PPM1H: variants seen among roughly 807,000 people sequenced by gnomAD.
PPM1H encodes the protein protein phosphatase 1H.
PPM1H carries 27 observed loss-of-function variants against 54.9 expected under a neutral mutation model. That is an observed-to-expected ratio of 0.49 (90% CI 0.36 to 0.68). The LOEUF (loss-of-function observed/expected upper bound fraction) is 0.68, where lower values mean the gene tolerates loss of function less well. PPM1H is among the 30% of genes least tolerant of loss of function. The pLI is 0.00. For synonymous variants in PPM1H, 305 were observed against 270.8 expected (o/e 1.13, Z -1.24); for missense variants, 596 against 667.8 (o/e 0.89, Z 1.19).
chr12:62,777,399 C>T (rs1259463614), intron 4 of PPM1H, among the ~76,000 whole-genome samples: 3 of 152,288 alleles, frequency 2.0e-5, no homozygotes, highest in South Asian at 2.1e-4. Context: ...GCCTACTTCA[C>T]GGTAGCTTCC....
At chr12:62,853,955 C>T (rs977525844) in intron 1 of PPM1H, among the ~76,000 whole-genome samples, 2 of 152,086 alleles carry the variant, frequency 1.3e-5, no homozygotes, top group African/African-American at 4.8e-5. Flanking sequence ...ACAGAGATGG[C>T]CAAGCTGCAC....
chr12:62,793,184 G>T (rs1388496469), intron 3 of PPM1H, among the ~76,000 whole-genome samples: 1 of 152,060 alleles, frequency 6.6e-6, no homozygotes, highest in African/African-American at 2.4e-5. Context: ...TTCAAGTATG[G>T]TCTAAAAGGA....
chr12:62,844,039 C>G lies in PPM1H; in HGVS notation c.246-11760G>C, dbSNP rs1868859493. The stretch of plus-strand genomic sequence containing the variant: ...TTTTAGGCAAACTGATTTCTCTACC[C>G]TAAGGAAGCTAGAAAGTACAATAAG... On this transcript the variant is annotated intron_variant, in intron 1 of 9. Transcript: ENST00000228705. This position sits in a 1 kb window ranked among gnomAD's most constrained non-coding sequence, Gnocchi z 5.2. 6.6e-6 allele frequency among the ~76,000 whole-genome samples: 1 copy of G among 152,170 alleles called. No homozygotes were observed. The highest frequency in any genetic ancestry group is 2.4e-5 in the African/African-American group (1 of 41,436).
At chr12:62,815,851 T>A (rs1471063199) in intron 2 of PPM1H, among the ~76,000 whole-genome samples, 1 of 152,184 alleles carries the variant, frequency 6.6e-6, no homozygotes, top group Admixed American at 6.5e-5. Context: ...CAGAGGGCTT[T>A]TTTTTCTTCC....
rs538613809 is a variant in PPM1H, at chr12:62,726,451, T to A, written c.955-6162A>T. ...GACCATTGGACACAGATTACTTTCA[T>A]TTGAAAAAAAAAACCCTCTAAAAAT... On this transcript the variant is annotated intron_variant, in intron 5 of 9. Coordinates refer to ENST00000228705, the MANE Select transcript of PPM1H (RefSeq NM_020700.2). 2.0e-5 allele frequency among the ~76,000 whole-genome samples: 3 copies of A among 152,046 alleles called. No individual in the cohort carries two copies. The South Asian group carries it at 6.2e-4, about 32-fold the overall frequency.
In PPM1H at chr12:62,644,363, G is replaced by GAAAC. The variant is rs781547626; in HGVS notation, c.*4122_*4125dup. On this transcript the variant is annotated 3_prime_UTR_variant, in exon 10 of 10. Coordinates refer to ENST00000228705, the MANE Select transcript of PPM1H (RefSeq NM_020700.2). ...GTAAAATAATAACCTCAGGACTCAGGAAACAAACACAAAATACTTGTGGGA... is the reference window on the plus strand; with the variant it reads ...GTAAAATAATAACCTCAGGACTCAGGAAACAAACAAACACAAAATACTTGTGGGA... 3.3e-5 allele frequency: 5 copies of GAAAC among 152,130 alleles called. No individual in the cohort carries two copies. The highest frequency in any genetic ancestry group is 7.2e-5 in the African/African-American group (3 of 41,420). The allele number at this position is 152,130 out of a possible 1,614,324, so 9.4% of individuals were successfully genotyped here.
intron 4 of PPM1H, among the ~76,000 whole-genome samples, chr12:62,777,537 A>T (rs2076618300): frequency 6.6e-6 from 1 of 152,210 alleles, no homozygotes; most frequent in African/African-American, 2.4e-5. Context: ...TGCACGATGA[A>T]CTGTAAAAGT....
At chr12:62,752,861 C>A (rs112144255) in intron 4 of PPM1H, among the ~76,000 whole-genome samples, 11 of 152,194 alleles carry the variant, frequency 7.2e-5, no homozygotes, top group African/African-American at 2.6e-4. Flanking sequence ...TGCTGAGGTT[C>A]CCAGCTTGGA....
chr12:62,725,222 T>C (rs1327084495), intron 5 of PPM1H, among the ~76,000 whole-genome samples: 2 of 152,212 alleles, frequency 1.3e-5, no homozygotes, highest in African/African-American at 4.8e-5. Flanking sequence ...CAGGATGTTC[T>C]TCCAAGCTGC....
chr12:62,847,812 C>T (rs549015323), intron 1 of PPM1H, among the ~76,000 whole-genome samples: 2 of 151,938 alleles, frequency 1.3e-5, no homozygotes, highest in African/African-American at 2.4e-5. Flanking sequence ...CAAGAGTAGA[C>T]AGTAAGCTGT....
At chr12:62,774,364 C>CTT (rs35398236) in intron 4 of PPM1H, among the ~76,000 whole-genome samples, 24,421 of 151,924 alleles carry the variant, frequency 0.16, 2,186 homozygotes, top group African/African-American at 0.23. Flanking sequence ...TCTTTCTTTC[C>CTT]TTTTTTGAGA....
intron 1 of PPM1H, among the ~76,000 whole-genome samples, chr12:62,900,384 T>A (rs1409487984): frequency 6.6e-6 from 1 of 151,398 alleles, no homozygotes; most frequent in Non-Finnish European, 1.5e-5. Flanking sequence ...CAGGGGCCTG[T>A]TGTGGGGTGG....
chr12:62,786,419 T>C (rs888586435), intron 4 of PPM1H, among the ~76,000 whole-genome samples: 2 of 152,222 alleles, frequency 1.3e-5, no homozygotes, highest in African/African-American at 4.8e-5. Flanking sequence ...GTCTGTGTCC[T>C]GGCAGGCTGA....
chr12:62,823,819 T>C (rs1324498595), intron 2 of PPM1H, among the ~76,000 whole-genome samples: 2 of 152,168 alleles, frequency 1.3e-5, no homozygotes, highest in Admixed American at 1.3e-4. Context: ...ACTGGAAGCA[T>C]TCCCTTTGAA....
At chr12:62,756,260 G>C in intron 4 of PPM1H, 2 of 697,856 alleles carry the variant, frequency 2.9e-6, no homozygotes, top group South Asian at 1.4e-5. Context: ...ACCCCAGCGA[G>C]AGCGAGAGAG....
intron 6 of PPM1H, among the ~76,000 whole-genome samples, chr12:62,705,139 A>T (rs1295569822): frequency 6.6e-6 from 1 of 152,212 alleles, no homozygotes; most frequent in Non-Finnish European, 1.5e-5. Context: ...GGCAAAAAAC[A>T]ATATTTACCC....
intron 2 of PPM1H, 68 bp downstream of exon 2, chr12:62,832,046 T>C: frequency 1.9e-6 from 3 of 1,541,308 alleles, no homozygotes; most frequent in Non-Finnish European, 2.7e-6. Context: ...AGCCCTAATG[T>C]CTTCCAGTGG....
chr12:62,924,591 T>C (rs1871915564), intron 1 of PPM1H, among the ~76,000 whole-genome samples: 1 of 152,220 alleles, frequency 6.6e-6, no homozygotes, highest in South Asian at 2.1e-4. Context: ...TTTCTAAGCT[T>C]TTCTCATAGC....
intron 1 of PPM1H, among the ~76,000 whole-genome samples, chr12:62,838,851 G>C (rs1040403803): frequency 9.3e-5 from 12 of 128,852 alleles, no homozygotes; most frequent in Non-Finnish European, 1.4e-4. Flanking sequence ...AACCCGGGAG[G>C]CGGAGCTTGC....
Sources: allele counts gnomAD v4.1 joint callset (sites outside exome capture counted in the v4.1 genomes callset), GRCh38; gene constraint gnomAD v4.1.1; non-coding constraint Gnocchi (gnomAD v3.1); transcripts MANE v1.5; gene names NCBI Gene and HGNC (gene_info 2026-07-23, HGNC 2026-07-21).